PRICKLE2: variants seen among roughly 807,000 people sequenced by gnomAD.
PRICKLE2 encodes prickle planar cell polarity protein 2.
PRICKLE2 carries 21 observed loss-of-function variants against 81.4 expected under a neutral mutation model. The ratio of observed to expected loss-of-function variants is 0.26; its 90% CI spans 0.18 to 0.37. PRICKLE2 has a LOEUF of 0.37. PRICKLE2 is among the 10% of genes least tolerant of loss of function. The pLI is 1.00. For synonymous variants in PRICKLE2, 456 were observed against 421.5 expected, an observed-to-expected ratio of 1.08 and a Z score of -1.00; for missense variants, 940 against 1,109.0, an observed-to-expected ratio of 0.85 and a Z score of 2.16.
At chr3:64,123,334 T>A (rs1362516933) in intron 7 of PRICKLE2, among the ~76,000 whole-genome samples, 1 of 152,216 alleles carries the variant, frequency 6.6e-6, no homozygotes, top group Admixed American at 6.5e-5. Flanking sequence ...ACAAGTTGAG[T>A]ATCTCCAATC....
intron 2 of PRICKLE2, among the ~76,000 whole-genome samples, chr3:64,234,480 A>AT (rs2079152369): frequency 6.6e-6 from 1 of 152,090 alleles, no homozygotes; most frequent in Non-Finnish European, 1.5e-5. Flanking sequence ...GTATATTCAA[A>AT]TTTTTTGCTC....
At chr3:64,245,873 T>G (rs889768761) in intron 2 of PRICKLE2, among the ~76,000 whole-genome samples, 2 of 152,188 alleles carry the variant, frequency 1.3e-5, no homozygotes. Context: ...ACCTAGTTAT[T>G]TCTGCAAAGA....
intron 2 of PRICKLE2, among the ~76,000 whole-genome samples, chr3:64,246,994 G>T (rs1482911730): frequency 1.3e-5 from 2 of 152,136 alleles, no homozygotes; most frequent in African/African-American, 4.8e-5. Context: ...AGCCTCCATG[G>T]TTCAATCGAA....
chr3:64,249,261 C>T (rs2079406313), intron 2 of PRICKLE2, among the ~76,000 whole-genome samples: 1 of 144,306 alleles, frequency 6.9e-6, no homozygotes, highest in African/African-American at 2.5e-5. Context: ...GAAGGGGGAG[C>T]TGCCACACAC....
intron 1 of PRICKLE2, among the ~76,000 whole-genome samples, chr3:64,203,031 G>A (rs747297426): frequency 3.9e-5 from 6 of 152,170 alleles, no homozygotes; most frequent in Non-Finnish European, 7.3e-5. Flanking sequence ...GTTATTTTAT[G>A]TCTTTATTCT....
intron 1 of PRICKLE2, among the ~76,000 whole-genome samples, chr3:64,206,478 T>A (rs1247876076): frequency 3.3e-5 from 5 of 152,190 alleles, no homozygotes; most frequent in African/African-American, 1.2e-4. Context: ...CTCCTGCCAC[T>A]CAGCTGGGTA....
At chr3:64,152,370 G>C (rs541632240) in intron 6 of PRICKLE2, among the ~76,000 whole-genome samples, 8 of 152,286 alleles carry the variant, frequency 5.3e-5, no homozygotes, top group African/African-American at 1.7e-4. Context: ...GAAAAGGCAA[G>C]TTGAATGAAG....
intron 2 of PRICKLE2, chr3:64,163,467 A>C: frequency 2.7e-6 from 1 of 373,492 alleles, no homozygotes; most frequent in Non-Finnish European, 5.1e-6. Context: ...TGGCTTTACC[A>C]TTTTCTCTGT....
At chr3:64,108,749 T>G (rs2076796651) in intron 7 of PRICKLE2, among the ~76,000 whole-genome samples, 1 of 152,234 alleles carries the variant, frequency 6.6e-6, no homozygotes, top group East Asian at 1.9e-4. Flanking sequence ...ACGATTTTCT[T>G]TGCAACACAA....
intron 2 of PRICKLE2, among the ~76,000 whole-genome samples, chr3:64,191,578 G>A (rs1332709007): frequency 6.6e-6 from 1 of 152,230 alleles, no homozygotes; most frequent in Non-Finnish European, 1.5e-5. Context: ...GACAGGAAGA[G>A]TAATTACTAA....
At chr3:64,191,705 C>A (rs2078343198) in intron 2 of PRICKLE2, among the ~76,000 whole-genome samples, 1 of 152,216 alleles carries the variant, frequency 6.6e-6, no homozygotes, top group Non-Finnish European at 1.5e-5. Context: ...TTGTCATCTT[C>A]ATCAAGAGGA....
chr3:64,132,449 C>G (rs1317946355), intron 7 of PRICKLE2, among the ~76,000 whole-genome samples: 1 of 152,164 alleles, frequency 6.6e-6, no homozygotes, highest in African/African-American at 2.4e-5. Context: ...CAGTTTCTAT[C>G]TATCTCCTTC....
Position 64,097,576 on chromosome 3 carries a change from G to A in PRICKLE2, c.*1475C>T, listed in dbSNP as rs1024599854. On this transcript the variant is annotated 3_prime_UTR_variant, in exon 8 of 8. Transcript: ENST00000638394. Reference sequence around the variant, plus strand: ...ACTATAAACAGCACAACCGTTAAATGTCTTCATTAAGCAAACTCACTTTTG... The same window carrying A: ...ACTATAAACAGCACAACCGTTAAATATCTTCATTAAGCAAACTCACTTTTG... 1.3e-5 allele frequency: 2 copies of A among 152,582 alleles called. No individual in the cohort carries two copies. The highest frequency in any genetic ancestry group is 4.8e-5 in the African/African-American group (2 of 41,432). 9.5% of individuals were successfully genotyped at this position (152,582 alleles called of 1,614,324 possible). A position where few individuals can be genotyped will look rare whatever the true frequency, so the allele number is the denominator to read the frequency against.
In PRICKLE2 at chr3:64,147,678, T is replaced by C. The variant is rs2077479619; in HGVS notation, c.812A>G (p.Tyr271Cys). 2 of 1,613,868 alleles carry C rather than the reference T, an allele frequency of 1.2e-6. No homozygotes were observed. Among genetic ancestry groups the C allele is most frequent in the Non-Finnish European group, 1.7e-6 (2 of 1,180,036 alleles). Reference protein sequence around the residue: ...HIGIDQGQMTYDGQHWHATET... With the variant: ...HIGIDQGQMTCDGQHWHATET... ...AGTGGCATGCCAGTGTTGGCCATCA[T>C]AGGTCATTTGACCTTGGTCGATACC... Residue 271 changes from tyrosine to cysteine, a missense_variant, in exon 7 of 8, where the codon TAT becomes TGT. By Grantham distance (194) the Tyr-to-Cys change is radical (BLOSUM62 -2). Around this residue, in one of 2 missense-constraint regions of PRICKLE2, gnomAD observed 270 missense variants for 391.8 expected, o/e 0.69. Coordinates refer to ENST00000638394, the MANE Select transcript of PRICKLE2 (RefSeq NM_198859.4). This position sits in a 1 kb window ranked among gnomAD's most constrained non-coding sequence, Gnocchi z 5.0.
At position 64,225,141 on chromosome 3, in the gene PRICKLE2, G is replaced by T. The variant is rs1326283005; in HGVS notation, c.-272C>A. The T allele has an allele frequency of 2.0e-6, 2 of 985,288 alleles. No homozygotes were observed. The highest frequency in any genetic ancestry group is 1.7e-5 in the African/African-American group (1 of 57,202). The allele number at this position is 985,288 out of a possible 1,614,324, so 61.0% of individuals were successfully genotyped here. On this transcript the variant is annotated 5_prime_UTR_variant, in exon 1 of 8. Coordinates refer to ENST00000638394, the MANE Select transcript of PRICKLE2 (RefSeq NM_198859.4). ...ACATTCCCTCAGGGAAAACAGCACT[G>T]CTGGATCCAGACTCTGCTGGGGAAT...
rs769254046 is a variant in PRICKLE2, at chr3:64,147,180, G to T, written c.1310C>A (p.Ala437Asp). ...SYSPGGQGAGAQPEMWGKHFS... is the reference protein window; with the variant it reads ...SYSPGGQGAGDQPEMWGKHFS... Reference sequence around the variant, plus strand: ...GTGCTTGCCCCACATTTCGGGCTGGGCCCCAGCCCCTTGCCCTCCTGGACT... The same window carrying T: ...GTGCTTGCCCCACATTTCGGGCTGGTCCCCAGCCCCTTGCCCTCCTGGACT... The change falls in exon 7 of 8, where the codon GCC becomes GAC. Residue 437 changes from alanine to aspartate, a missense_variant. Physicochemically the swap from Ala to Asp is moderately radical, Grantham distance 126. This residue lies in a region of PRICKLE2 where 670 missense variants were observed against 717.2 expected (regional missense o/e 0.93). Coordinates refer to ENST00000638394, the MANE Select transcript of PRICKLE2 (RefSeq NM_198859.4). This position sits in a 1 kb window ranked among gnomAD's most constrained non-coding sequence, Gnocchi z 5.0. The T allele has an allele frequency of 1.2e-6, 2 of 1,613,812 alleles. No homozygotes were observed. Among genetic ancestry groups the T allele is most frequent in the South Asian group, 1.1e-5 (1 of 91,052 alleles).
In PRICKLE2 at chr3:64,222,178, T is replaced by C. The variant is rs570163406; in HGVS notation, c.-41+2732A>G. On this transcript the variant is annotated intron_variant, in intron 1 of 7. Transcript: ENST00000638394. ...ATTCAGGGGACTTTATTTCCAATAT[T>C]CATATGAGGAAGCCAAAGTTCAGAG... Among the ~76,000 whole-genome samples the C allele has an allele frequency of 2.6e-5, 4 of 152,246 alleles. No individual in the cohort carries two copies. The South Asian group carries it at 8.3e-4, about 32-fold the overall frequency.
chr3:64,208,187 C>A (rs994850283), intron 1 of PRICKLE2, among the ~76,000 whole-genome samples: 5 of 152,146 alleles, frequency 3.3e-5, no homozygotes, highest in African/African-American at 1.2e-4. Flanking sequence ...AGGACAGTGG[C>A]TGTTGTTAGC....
chr3:64,206,145 T>C (rs1012053952), intron 1 of PRICKLE2, among the ~76,000 whole-genome samples: 1 of 152,168 alleles, frequency 6.6e-6, no homozygotes, highest in African/African-American at 2.4e-5. Flanking sequence ...AGACATTACA[T>C]GGAGATGCAT....
Sources: allele counts gnomAD v4.1 joint callset (sites outside exome capture counted in the v4.1 genomes callset), GRCh38; gene constraint gnomAD v4.1.1; regional missense constraint gnomAD v4.1.1; non-coding constraint Gnocchi (gnomAD v3.1); transcripts MANE v1.5; gene names NCBI Gene and HGNC (gene_info 2026-07-23, HGNC 2026-07-21).